SPATA22: variants seen among roughly 807,000 people sequenced by gnomAD.
SPATA22 encodes spermatogenesis associated 22.
Under a neutral mutation model 47.8 loss-of-function variants are expected in SPATA22, and 29 were observed. The observed-to-expected ratio is 0.61, with a 90% CI of 0.45 to 0.83. The LOEUF (loss-of-function observed/expected upper bound fraction) is 0.83, where lower values mean the gene tolerates loss of function less well. Among genes scored for constraint, SPATA22 ranks in the 40% least tolerant of loss-of-function variants. The pLI is 0.00. For missense variants in SPATA22, 410 were observed against 421.7 expected, an observed-to-expected ratio of 0.97 and a Z score of 0.24; for synonymous variants, 133 against 140.9, an observed-to-expected ratio of 0.94 and a Z score of 0.40.
chr17:3,467,489 G>A lies in SPATA22; in HGVS notation c.109C>T (p.Leu37Phe), dbSNP rs145051415. The change falls in exon 3 of 9, where the codon CTT becomes TTT. Residue 37 changes from leucine to phenylalanine, a missense_variant. By Grantham distance (22) the Leu-to-Phe change is conservative (BLOSUM62 0). Transcript: ENST00000572969. ...GTACTGATACCTGAATCATCTTTAA[G>A]TGGATTAGAAGTTAATGGCTGTCTG... ...RNRQPLTSNP[L>F]KDDSGISTPS... 6.2e-7 allele frequency: 1 copy of A among 1,610,788 alleles called. No individual in the cohort carries two copies. The highest frequency in any genetic ancestry group is 1.1e-5 in the South Asian group (1 of 90,364).
chr17:3,508,819 G>A (rs543403031), intron 1 of SPATA22, among the ~76,000 whole-genome samples: 33 of 147,018 alleles, frequency 2.2e-4, no homozygotes, highest in Non-Finnish European at 4.0e-4. Context: ...GTTAATGGGT[G>A]CAGCGCACCA....
At chr17:3,496,257 G>A (rs1439204918) in intron 1 of SPATA22, among the ~76,000 whole-genome samples, 1 of 152,224 alleles carries the variant, frequency 6.6e-6, no homozygotes, top group Non-Finnish European at 1.5e-5. Context: ...GTTCCTCATG[G>A]AGCTTCCATC....
intron 5 of SPATA22, among the ~76,000 whole-genome samples, chr17:3,460,966 T>G (rs2150720594): frequency 6.6e-6 from 1 of 152,248 alleles, no homozygotes; most frequent in East Asian, 1.9e-4. Context: ...TTACTAATTG[T>G]CCATATCCTA....
intron 8 of SPATA22, chr17:3,441,367 G>A (rs1246808076): frequency 1.3e-5 from 2 of 151,848 alleles, no homozygotes; most frequent in Non-Finnish European, 2.9e-5. Context: ...CAAGATGCCT[G>A]AACAGACTTT....
rs2073814191 is a variant in SPATA22 at position 3,490,949 on chromosome 17, C to G, written c.-73-21551G>C. On this transcript the variant is annotated intron_variant, in intron 1 of 8. Transcript: ENST00000541913. This position sits in a 1 kb window ranked among gnomAD's most constrained non-coding sequence, Gnocchi z 4.6. ...ATTCGGCAAATCAAAAATTGTCAACCACGATTAATTTAGACTATCCAGCTT... is the reference window on the plus strand; with the variant it reads ...ATTCGGCAAATCAAAAATTGTCAACGACGATTAATTTAGACTATCCAGCTT... 1.3e-5 allele frequency among the ~76,000 whole-genome samples: 2 copies of G among 152,102 alleles called. No individual in the cohort carries two copies. The highest frequency in any genetic ancestry group is 4.1e-4 in the South Asian group (2 of 4,828).
At chr17:3,496,407 G>T (rs1413312052) in intron 1 of SPATA22, among the ~76,000 whole-genome samples, 1 of 152,174 alleles carries the variant, frequency 6.6e-6, no homozygotes, top group East Asian at 1.9e-4. Flanking sequence ...TAGACGGAGT[G>T]GTCACAAAGT....
intron 1 of SPATA22, chr17:3,501,623 C>T: frequency 6.0e-6 from 1 of 166,556 alleles, no homozygotes; most frequent in South Asian, 1.7e-4. Flanking sequence ...GTTGATAAAG[C>T]AGCAGCAGGG....
At chr17:3,462,926 G>A (rs2073162177) in intron 3 of SPATA22, among the ~76,000 whole-genome samples, 159 bp from the exon 4 acceptor site, 1 of 152,166 alleles carries the variant, frequency 6.6e-6, no homozygotes. Flanking sequence ...ACCTGTCACA[G>A]CCTGCTTTAT....
At chr17:3,444,110 T>G (rs2072661792) in intron 7 of SPATA22, among the ~76,000 whole-genome samples, 1 of 152,032 alleles carries the variant, frequency 6.6e-6, no homozygotes, top group Non-Finnish European at 1.5e-5. Flanking sequence ...TTCATGTTTA[T>G]CTCAAGAAAC....
At position 3,440,218 on chromosome 17, in the gene SPATA22, T is replaced by A; in HGVS notation, c.1021A>T (p.Thr341Ser). ...VRPASVSEQK[T>S]FQAFVKIADV... ...GCAATTTTGACAAATGCCTGGAAAG[T>A]TTTTTGTTCAGAAACAGACGCCGGT... The change falls in exon 9 of 9, where the codon ACT becomes TCT. Residue 341 changes from threonine (T) to serine (S), a missense_variant. Transcript: ENST00000572969. 6.2e-7 allele frequency: 1 copy of A among 1,611,012 alleles called. No homozygotes were observed. The highest frequency in any genetic ancestry group is 8.5e-7 in the Non-Finnish European group (1 of 1,178,644).
intron 5 of SPATA22, among the ~76,000 whole-genome samples, chr17:3,454,949 T>C (rs1415268185): frequency 6.6e-6 from 1 of 151,580 alleles, no homozygotes; most frequent in South Asian, 2.1e-4. Flanking sequence ...CTCCACATCC[T>C]CTCCAGCACC....
In SPATA22 at chr17:3,440,331, T is replaced by A. The variant is rs2072570043; in HGVS notation, c.908A>T (p.Glu303Val). The A allele has an allele frequency of 6.7e-7, 1 of 1,497,994 alleles. No homozygotes were observed. Among genetic ancestry groups the A allele is most frequent in the South Asian group, 1.3e-5 (1 of 74,168 alleles). 92.8% of individuals were successfully genotyped at this position (1,497,994 alleles called of 1,614,324 possible). A position where few individuals can be genotyped will look rare whatever the true frequency, so the allele number is the denominator to read the frequency against. Residue 303 changes from glutamate (E) to valine (V), a missense_variant, in exon 9 of 9, where the codon GAA (glutamate) becomes GTA (valine). Coordinates refer to ENST00000572969, the MANE Select transcript of SPATA22 (RefSeq NM_001170698.2). Reference sequence around the variant, plus strand: ...TCGGCCTCTAATCAGTCTCGGAAGTTCACGATCCTGTTTTTCAAAAAATAA... The same window carrying A: ...TCGGCCTCTAATCAGTCTCGGAAGTACACGATCCTGTTTTTCAAAAAATAA... ...LPCVFYEIDR[E>V]LPRLIRGRVH...
chr17:3,443,119 C>A (rs2072633420), intron 8 of SPATA22, 55 bp downstream of exon 8: 6 of 1,175,272 alleles, frequency 5.1e-6, no homozygotes, highest in South Asian at 1.4e-5. Flanking sequence ...TTATAGCCTG[C>A]ATGTTTATAT....
At chr17:3,476,205 A>G (rs575183078), upstream of SPATA22, 16 of 1,614,148 alleles carry the variant, frequency 9.9e-6, no homozygotes, top group African/African-American at 1.3e-5. Context: ...AAAGGTTGCT[A>G]TCTTTGGAGG....
rs558516945 is a variant in SPATA22, at chr17:3,490,130, C to T, written c.-73-20732G>A. Reference sequence around the variant, plus strand: ...TATGTTAACACATCACAGGGAAAGTCCTAGAAGAAAACACACCAAACTGAT... The same window carrying T: ...TATGTTAACACATCACAGGGAAAGTTCTAGAAGAAAACACACCAAACTGAT... On this transcript the variant is annotated intron_variant, in intron 1 of 8. Coordinates refer to the SPATA22 transcript ENST00000541913. This position sits in a 1 kb window ranked among gnomAD's most constrained non-coding sequence, Gnocchi z 4.6. Among the ~76,000 whole-genome samples the T allele has an allele frequency of 3.7e-4, 56 of 152,204 alleles. No homozygotes were observed. The highest frequency in any genetic ancestry group is 1.1e-3 in the African/African-American group (47 of 41,518).
chr17:3,454,710 T>C (rs995814680), intron 5 of SPATA22, among the ~76,000 whole-genome samples: 1 of 151,974 alleles, frequency 6.6e-6, no homozygotes, highest in Non-Finnish European at 1.5e-5. Flanking sequence ...TGTTGGACAT[T>C]TGGGTTGGTT....
chr17:3,497,435 T>C (rs1448905191), intron 1 of SPATA22, among the ~76,000 whole-genome samples: 1 of 152,206 alleles, frequency 6.6e-6, no homozygotes, highest in Non-Finnish European at 1.5e-5. Context: ...CCTGATGGCA[T>C]GGTTGCGGGT....
chr17:3,440,466 G>T, intron 8 of SPATA22, 128 bp from the exon 9 acceptor site: 1 of 684,244 alleles, frequency 1.5e-6, no homozygotes, highest in Non-Finnish European at 2.3e-6. Context: ...CGTGAGTCAG[G>T]GCCCCACTGC....
At chr17:3,497,974 A>G (rs2073936174) in intron 1 of SPATA22, among the ~76,000 whole-genome samples, 1 of 152,128 alleles carries the variant, frequency 6.6e-6, no homozygotes. Context: ...TTGAGGGCTC[A>G]AAGGTCCAAA....
Sources: allele counts gnomAD v4.1 joint callset (sites outside exome capture counted in the v4.1 genomes callset), GRCh38; gene constraint gnomAD v4.1.1; non-coding constraint Gnocchi (gnomAD v3.1); transcripts MANE v1.5; gene names NCBI Gene and HGNC (gene_info 2026-07-23, HGNC 2026-07-21).